Variants in MLKL observed in about 807,000 individuals in gnomAD.
MLKL encodes mixed lineage kinase domain like pseudokinase.
Under a neutral mutation model 56.5 loss-of-function variants are expected in MLKL, and 55 were observed. The observed-to-expected ratio is 0.97, with a 90% CI of 0.78 to 1.22. MLKL has a LOEUF of 1.22. Ranked by LOEUF, MLKL falls within the 50% of genes most tolerant of loss-of-function variation. The pLI is 0.00. For synonymous variants in MLKL, 251 were observed against 208.3 expected (o/e 1.20, Z -1.76); for missense variants, 694 against 573.9 (o/e 1.21, Z -2.14).
chr16:74,690,261 T>C (rs1960583975), intron 4 of MLKL, among the ~76,000 whole-genome samples: 1 of 152,256 alleles, frequency 6.6e-6, no homozygotes, highest in Admixed American at 6.5e-5. Context: ...ATCAGAAAGC[T>C]GGATAACACT....
intron 7 of MLKL, chr16:74,676,545 G>T (rs371381859): frequency 8.7e-4 from 754 of 870,700 alleles, no homozygotes; most frequent in Admixed American, 1.5e-3. Context: ...ATCTAGCGCC[G>T]TATGGGATAC....
At chr16:74,685,299 C>T (rs1220463365) in intron 5 of MLKL, among the ~76,000 whole-genome samples, 187 bp downstream of exon 5, 1 of 152,084 alleles carries the variant, frequency 6.6e-6, no homozygotes, top group Non-Finnish European at 1.5e-5. Flanking sequence ...AGCCTTCAGC[C>T]CTGCCCTCCT....
rs571408059 is a variant in MLKL at position 74,693,924 on chromosome 16, T to C, written c.460+1374A>G. On this transcript the variant is annotated intron_variant, in intron 2 of 10. Coordinates refer to ENST00000308807, the MANE Select transcript of MLKL (RefSeq NM_152649.4). ...GGCCGAAATGGTAAATTTTATGTTA[T>C]GTATATTTTATCACAAAAAATGGGA... Among the ~76,000 whole-genome samples the C allele has an allele frequency of 1.9e-3, 282 of 152,310 alleles. 1 individual carries two copies. Among genetic ancestry groups the C allele is most frequent in the African/African-American group, 6.3e-3 (263 of 41,558 alleles).
intron 7 of MLKL, chr16:74,678,005 A>C (rs1409921472): frequency 6.6e-6 from 1 of 152,270 alleles, no homozygotes; most frequent in Non-Finnish European, 1.5e-5. Context: ...ACAGCAACTC[A>C]CATGTCACTT....
At chr16:74,688,601 C>T (rs1415218647) in intron 4 of MLKL, among the ~76,000 whole-genome samples, 1 of 152,000 alleles carries the variant, frequency 6.6e-6, no homozygotes, top group Non-Finnish European at 1.5e-5. Context: ...GTAGTTCCAG[C>T]TACTCGGGAG....
At chr16:74,685,851 T>C (rs1465919208) in intron 4 of MLKL, among the ~76,000 whole-genome samples, 4 of 152,212 alleles carry the variant, frequency 2.6e-5, no homozygotes, top group Non-Finnish European at 4.4e-5. Context: ...AGAATTGTAT[T>C]TTTATGACCT....
intron 7 of MLKL, 86 bp downstream of exon 7, chr16:74,678,813 A>G: frequency 1.0e-6 from 1 of 952,636 alleles, no homozygotes; most frequent in Non-Finnish European, 1.7e-6. Context: ...TAAGACAAGA[A>G]TCAAGCCTTT....
At chr16:74,696,831 G>T (rs1338994584) in intron 1 of MLKL, among the ~76,000 whole-genome samples, 1 of 150,244 alleles carries the variant, frequency 6.7e-6, no homozygotes, top group Non-Finnish European at 1.5e-5. Context: ...GGTGGTGCAT[G>T]CCTGTAATCC....
intron 2 of MLKL, among the ~76,000 whole-genome samples, chr16:74,693,770 A>AT: frequency 6.6e-6 from 1 of 151,926 alleles, no homozygotes; most frequent in Middle Eastern, 3.4e-3. Flanking sequence ...CGCCCGTCTA[A>AT]TTTTTTGTAT....
At chr16:74,691,191 T>C in intron 4 of MLKL, 86 bp downstream of exon 4, 1 of 1,308,062 alleles carries the variant, frequency 7.6e-7, no homozygotes, top group South Asian at 1.5e-5. Flanking sequence ...GGCTTCCTCA[T>C]CTAAAAATGG....
chr16:74,683,126 T>C (rs1429026096), intron 5 of MLKL, among the ~76,000 whole-genome samples: 1 of 152,086 alleles, frequency 6.6e-6, no homozygotes, highest in Non-Finnish European at 1.5e-5. Flanking sequence ...CTGGCCTACG[T>C]GGTGAAACCA....
intron 5 of MLKL, among the ~76,000 whole-genome samples, chr16:74,684,241 C>G (rs961240913): frequency 2.4e-4 from 36 of 151,896 alleles, no homozygotes; most frequent in Non-Finnish European, 1.0e-4. Flanking sequence ...AGCCACCGTG[C>G]CTGGCCTACG....
Position 74,696,913 on chromosome 16 carries a change from AT to A in MLKL, c.-2-1155del, listed in dbSNP as rs1299732071. ...GTGGAGGTTGCACCATCTCAAAAAAATGTAATACATTACATATATATAGTAA... is the reference window on the plus strand; with the variant it reads ...GTGGAGGTTGCACCATCTCAAAAAAAGTAATACATTACATATATATAGTAA... On this transcript the variant is annotated intron_variant, in intron 1 of 10. Transcript: ENST00000308807. Among the ~76,000 whole-genome samples the A allele has an allele frequency of 2.0e-5, 3 of 147,778 alleles. No homozygotes were observed. The East Asian group carries it at 5.8e-4, about 29-fold the overall frequency.
At chr16:74,694,417 G>C (rs1010021665) in intron 2 of MLKL, among the ~76,000 whole-genome samples, 16 of 152,046 alleles carry the variant, frequency 1.1e-4, no homozygotes, top group African/African-American at 3.9e-4. Context: ...TCCATCCTTT[G>C]TTTTTGGAGA....
At chr16:74,699,803 G>T (rs895311741) in intron 1 of MLKL, among the ~76,000 whole-genome samples, 1 of 152,010 alleles carries the variant, frequency 6.6e-6, no homozygotes, top group African/African-American at 2.4e-5. Context: ...AATTGGGTGT[G>T]GTGATGTGCA....
chr16:74,676,001 G>A, intron 7 of MLKL: 1 of 514,188 alleles, frequency 1.9e-6, no homozygotes, highest in African/African-American at 1.9e-5. Context: ...ATGGGGCGAT[G>A]ACAGGGGGGA....
chr16:74,688,306 G>T (rs1428155249), intron 4 of MLKL, among the ~76,000 whole-genome samples: 2 of 152,160 alleles, frequency 1.3e-5, no homozygotes, highest in Non-Finnish European at 2.9e-5. Flanking sequence ...TGGGACATGT[G>T]AATATCAACA....
In MLKL at chr16:74,691,377, G is replaced by A. The variant is rs761368027; in HGVS notation, c.622C>T (p.Leu208=). 6.2e-7 allele frequency: 1 copy of A among 1,614,146 alleles called. No individual in the cohort carries two copies. The change falls in exon 4 of 11, where the codon CTG becomes TTG. Residue 208 remains leucine, a synonymous_variant. Transcript: ENST00000308807. ...KEQLSGSPWI[L]LRENEVSTLY... ...GTGCTGACTTCATTTTCCCTTAGCA[G>A]AATCCACGGGGATCCTGAAAGCTGC...
chr16:74,682,644 G>C lies in MLKL; in HGVS notation c.956+7C>G. On this transcript the variant is annotated splice_region_variant and intron_variant, in intron 6 of 10. Transcript: ENST00000308807. ...ACCCTTAGTGGCGCCTTTTCACCCC[G>C]TCTTACCGGTATAGGCCTCGGGCTG... 6.2e-7 allele frequency: 1 copy of C among 1,613,744 alleles called. No homozygotes were observed. The highest frequency in any genetic ancestry group is 1.1e-5 in the South Asian group (1 of 91,062).
Sources: gnomAD v4.1 joint callset for allele counts (sites outside exome capture counted in the v4.1 genomes callset) on GRCh38, gnomAD v4.1.1 for gene constraint, MANE v1.5 for transcripts, NCBI Gene and HGNC (gene_info 2026-07-23, HGNC 2026-07-21) for gene names.